CAST: variants seen among roughly 807,000 people sequenced by gnomAD.
CAST encodes the protein MIR583 host.
Under a neutral mutation model 119.6 loss-of-function variants are expected in CAST, and 76 were observed. The ratio of observed to expected loss-of-function variants is 0.64; its 90% CI spans 0.53 to 0.77. The LOEUF (loss-of-function observed/expected upper bound fraction) is 0.77. Ranked by LOEUF, CAST falls within the 30% of genes least tolerant of loss-of-function variation. The pLI, the probability that CAST is intolerant of heterozygous loss-of-function variation, is 0.00. For synonymous variants in CAST, 319 were observed against 331.6 expected, an observed-to-expected ratio of 0.96 and a Z score of 0.41; for missense variants, 953 against 946.5, an observed-to-expected ratio of 1.01 and a Z score of -0.09.
At chr5:96,201,028 T>G in the CAST span, among the ~76,000 whole-genome samples, 1 of 152,130 alleles carries the variant, frequency 6.6e-6, no homozygotes, top group Non-Finnish European at 1.5e-5. Flanking sequence ...AAGGACTGCT[T>G]TCCAGAGAAA....
intron 1 of CAST, among the ~76,000 whole-genome samples, chr5:96,588,440 T>C (rs903226799): frequency 6.6e-6 from 1 of 152,176 alleles, no homozygotes; most frequent in African/African-American, 2.4e-5. Flanking sequence ...GACCTCATGA[T>C]CTGCCTGCCT....
the CAST span, among the ~76,000 whole-genome samples, chr5:96,070,696 A>G: frequency 6.6e-6 from 1 of 152,212 alleles, no homozygotes; most frequent in South Asian, 2.1e-4. Flanking sequence ...TCTGCAGCAC[A>G]TCAGTGTGGA....
chr5:96,317,902 C>A, the CAST span, among the ~76,000 whole-genome samples: 11 of 152,176 alleles, frequency 7.2e-5, no homozygotes, highest in Admixed American at 3.9e-4. Context: ...AGCTAAAGCT[C>A]CTTCAGAGCC....
chr5:96,240,466 C>T, the CAST span, among the ~76,000 whole-genome samples: 1 of 152,214 alleles, frequency 6.6e-6, no homozygotes, highest in Non-Finnish European at 1.5e-5. Context: ...ATGCTTTATA[C>T]AGTCTGCAGC....
chr5:96,434,616 T>TTG, the CAST span, among the ~76,000 whole-genome samples: 55 of 142,580 alleles, frequency 3.9e-4, no homozygotes, highest in African/African-American at 1.3e-3. Context: ...TGTTTTTTTT[T>TTG]TTGTTGTTGT....
the CAST span, among the ~76,000 whole-genome samples, chr5:95,988,925 G>T: frequency 6.6e-6 from 1 of 152,120 alleles, no homozygotes; most frequent in Non-Finnish European, 1.5e-5. Flanking sequence ...ATTCCTCATA[G>T]GAATTTTGAA....
the CAST span, among the ~76,000 whole-genome samples, chr5:96,481,418 T>C: frequency 9.6e-4 from 146 of 152,322 alleles, no homozygotes; most frequent in African/African-American, 2.9e-3. Context: ...AATTTTAAAA[T>C]TCATTATTGC....
rs527920370 is a variant in CAST at position 96,645,311 on chromosome 5, A to T, written c.61-30228A>T. Among the ~76,000 whole-genome samples, 77 of 152,316 alleles carry T rather than the reference A, an allele frequency of 5.1e-4. No individual in the cohort carries two copies. The South Asian group carries it at 6.0e-3, about 12-fold the overall frequency. ...TCTTGTCACATTCCACATGAGATCC[A>T]CATGACTTACCACTGGTGCTGTCAA... On this transcript the variant is annotated intron_variant, in intron 1 of 11. Coordinates refer to the CAST transcript ENST00000505143.
chr5:96,282,854 G>A, the CAST span, among the ~76,000 whole-genome samples: 11 of 152,224 alleles, frequency 7.2e-5, no homozygotes, highest in Admixed American at 7.2e-4. Context: ...TGTTGGCCGG[G>A]CGCGGTGGCT....
the CAST span, among the ~76,000 whole-genome samples, chr5:96,513,912 T>A: frequency 2.0e-5 from 3 of 152,340 alleles, no homozygotes; most frequent in Middle Eastern, 6.8e-3. Flanking sequence ...CTTTCTTGCC[T>A]TCTAGCTTCT....
intron 25 of CAST, among the ~76,000 whole-genome samples, chr5:96,764,174 T>C (rs1768991066): frequency 1.3e-5 from 2 of 152,194 alleles, no homozygotes; most frequent in Non-Finnish European, 2.9e-5. Flanking sequence ...TGTTGAAAAA[T>C]ATGGATTTTG....
intron 3 of CAST, among the ~76,000 whole-genome samples, chr5:96,701,969 C>A (rs951821613): frequency 4.6e-5 from 7 of 152,156 alleles, no homozygotes; most frequent in Non-Finnish European, 1.0e-4. Context: ...AGGGCCCTAA[C>A]TGCCTTGGCT....
At chr5:96,715,926 A>G (rs889281633) in intron 3 of CAST, among the ~76,000 whole-genome samples, 3 of 152,208 alleles carry the variant, frequency 2.0e-5, no homozygotes, top group Admixed American at 2.0e-4. Flanking sequence ...TAGATGATCC[A>G]TTGTTTATCT....
the CAST span, among the ~76,000 whole-genome samples, chr5:95,966,670 G>A: frequency 6.6e-6 from 1 of 152,126 alleles, no homozygotes; most frequent in African/African-American, 2.4e-5. Context: ...AGAAGGCTAG[G>A]TGGCCAGGGC....
the CAST span, among the ~76,000 whole-genome samples, chr5:96,087,097 T>C: frequency 2.6e-5 from 4 of 152,230 alleles, no homozygotes; most frequent in Non-Finnish European, 5.9e-5. Context: ...CTGTAGGAAC[T>C]TAGAACAACT....
the CAST span, among the ~76,000 whole-genome samples, chr5:96,506,682 T>G: frequency 5.9e-4 from 89 of 152,090 alleles, no homozygotes; most frequent in African/African-American, 2.1e-3. Flanking sequence ...CTCCTCCCAC[T>G]ATGAGGAGGT....
chr5:96,418,242 G>A, the CAST span, among the ~76,000 whole-genome samples: 7 of 152,216 alleles, frequency 4.6e-5, no homozygotes, highest in South Asian at 2.1e-4. Flanking sequence ...TTTATAGGCC[G>A]CAGCTCTTTT....
intron 16 of CAST, among the ~76,000 whole-genome samples, chr5:96,744,394 G>A (rs1489396717): frequency 1.3e-5 from 2 of 152,194 alleles, no homozygotes; most frequent in African/African-American, 4.8e-5. Context: ...AAGTAAAAGA[G>A]CATGTGCAGG....
the CAST span, among the ~76,000 whole-genome samples, chr5:96,222,287 T>C: frequency 6.6e-6 from 1 of 152,006 alleles, no homozygotes; most frequent in Non-Finnish European, 1.5e-5. Flanking sequence ...AAAAGTATCA[T>C]CAGAGCAAAG....
Sources: allele counts gnomAD v4.1 joint callset (sites outside exome capture counted in the v4.1 genomes callset), GRCh38; gene constraint gnomAD v4.1.1; transcripts MANE v1.5; gene names NCBI Gene and HGNC (gene_info 2026-07-23, HGNC 2026-07-21).